Variants in DAB2 observed in about 807,000 individuals in gnomAD.
The protein encoded by DAB2 is DAB adaptor protein 2.
DAB2 carries 28 observed loss-of-function variants against 71.6 expected under a neutral mutation model. That is an observed-to-expected ratio of 0.39 (90% CI 0.29 to 0.54). The LOEUF is 0.54. DAB2 is among the 20% of genes least tolerant of loss of function. The probability of loss-of-function intolerance (pLI) is 0.68; values close to 1 mark genes in which losing one functional copy is unlikely to be tolerated. For missense variants in DAB2, 867 were observed against 928.8 expected (o/e 0.93, Z 0.86); for synonymous variants, 345 against 339.7 (o/e 1.02, Z -0.17).
chr5:39,400,343 C>T (rs1755470054), intron 1 of DAB2, among the ~76,000 whole-genome samples: 1 of 152,020 alleles, frequency 6.6e-6, no homozygotes, highest in Non-Finnish European at 1.5e-5. Context: ...AGCCATTCTC[C>T]TTCCTCAGCC....
chr5:39,404,229 C>T (rs1755560380), intron 1 of DAB2, among the ~76,000 whole-genome samples: 1 of 121,364 alleles, frequency 8.2e-6, no homozygotes, highest in Non-Finnish European at 1.6e-5. Context: ...GAACATCACA[C>T]ACCAGGGTCT....
chr5:39,404,685 T>C, intron 1 of DAB2, among the ~76,000 whole-genome samples: 1 of 152,046 alleles, frequency 6.6e-6, no homozygotes, highest in East Asian at 1.9e-4. Context: ...TTCAAGCGAT[T>C]CCCCTGCCTC....
intron 11 of DAB2, among the ~76,000 whole-genome samples, chr5:39,381,063 G>A (rs1754969604): frequency 1.3e-5 from 2 of 152,144 alleles, no homozygotes; most frequent in Non-Finnish European, 2.9e-5. Flanking sequence ...AAGGACATAG[G>A]CCTTCGATCT....
At chr5:39,374,705 G>GA in intron 14 of DAB2, 1 of 272,122 alleles carries the variant, frequency 3.7e-6, no homozygotes, top group East Asian at 1.1e-4. Flanking sequence ...AAAAAGGTTA[G>GA]AAACCTGTGA....
chr5:39,420,862 G>A lies in DAB2; in HGVS notation c.-102+3942C>T, dbSNP rs139048274. ...GCTTCCTTCCAGGGTAGAAGGATGC[G>A]GGAAGGGGAGTAACCATGGCAACCT... On this transcript the variant is annotated intron_variant, in intron 1 of 14. Coordinates refer to ENST00000320816, the MANE Select transcript of DAB2 (RefSeq NM_001343.4). 7.0e-3 allele frequency among the ~76,000 whole-genome samples: 1,067 copies of A among 152,238 alleles called. 2 individuals are homozygous for A. Among genetic ancestry groups the A allele is most frequent in the Non-Finnish European group, 0.01 (701 of 68,008 alleles).
At position 39,382,491 on chromosome 5, in the gene DAB2, T is replaced by A. The variant is rs1256734620; in HGVS notation, c.1341+127A>T. The A allele has an allele frequency of 7.6e-6, 8 of 1,059,070 alleles. No individual in the cohort carries two copies. In the East Asian group the frequency reaches 1.9e-4, roughly 25 times the overall value. 65.6% of individuals were successfully genotyped at this position (1,059,070 alleles called of 1,614,324 possible). A position where few individuals can be genotyped will look rare whatever the true frequency, so the allele number is the denominator to read the frequency against. On this transcript the variant is annotated intron_variant, in intron 10 of 14. Transcript: ENST00000320816. ...GTACTCCTGGAGAACCAAAGTGCCT[T>A]ATCCCACCTTCTATTTCACAGCAAC...
At chr5:39,407,785 G>A (rs1259674238) in intron 1 of DAB2, among the ~76,000 whole-genome samples, 3 of 152,128 alleles carry the variant, frequency 2.0e-5, no homozygotes, top group South Asian at 2.1e-4. Flanking sequence ...AACTCTATGC[G>A]GATGTTAGAA....
At chr5:39,389,410 G>A (rs1755172152) in intron 6 of DAB2, among the ~76,000 whole-genome samples, 1 of 152,180 alleles carries the variant, frequency 6.6e-6, no homozygotes, top group African/African-American at 2.4e-5. Flanking sequence ...CCATAAAAAT[G>A]TATCCATTGC....
intron 1 of DAB2, among the ~76,000 whole-genome samples, chr5:39,396,953 G>A (rs1408354598): frequency 6.6e-6 from 1 of 152,216 alleles, no homozygotes; most frequent in Non-Finnish European, 1.5e-5. Context: ...TCTCCGGTTA[G>A]TGAAGCCAGA....
At chr5:39,392,090 T>C (rs1427669105) in intron 4 of DAB2, 1 of 150,786 alleles carries the variant, frequency 6.6e-6, no homozygotes, top group Non-Finnish European at 1.5e-5. Flanking sequence ...CAAAAATATA[T>C]ATATTTATAT....
chr5:39,418,331 T>C (rs978642203), intron 1 of DAB2: 13 of 152,192 alleles, frequency 8.5e-5, no homozygotes, highest in African/African-American at 3.1e-4. Flanking sequence ...ACACATTTGG[T>C]TTATTTCTGT....
chr5:39,376,796 G>A lies in DAB2; in HGVS notation c.1991C>T (p.Pro664Leu), dbSNP rs759268238. Reference protein sequence around the residue: ...MFKDFQLRQPPAVPARKGEQT... With the variant: ...MFKDFQLRQPLAVPARKGEQT... The stretch of plus-strand genomic sequence containing the variant: ...CTCTCCCTTCCGCGCGGGCACAGCA[G>A]GTGGCTGCCGCAGTTGGAAATCCTT... The change falls in exon 12 of 15, where the codon CCT becomes CTT. Residue 664 changes from proline to leucine, a missense_variant. Pro to Leu is a moderately conservative substitution (Grantham distance 98). Around this residue, in one of 2 missense-constraint regions of DAB2, gnomAD observed 740 missense variants for 734.3 expected, o/e 1.01. Coordinates refer to ENST00000320816, the MANE Select transcript of DAB2 (RefSeq NM_001343.4). The A allele has an allele frequency of 6.2e-7, 1 of 1,614,162 alleles. No individual in the cohort carries two copies. Among genetic ancestry groups the A allele is most frequent in the Admixed American group, 1.7e-5 (1 of 60,018 alleles).
intron 1 of DAB2, among the ~76,000 whole-genome samples, chr5:39,401,911 C>T (rs1216109001): frequency 6.6e-6 from 1 of 151,880 alleles, no homozygotes; most frequent in Non-Finnish European, 1.5e-5. Flanking sequence ...TGCCATCATG[C>T]CTGGCTAATT....
chr5:39,389,784 T>G, intron 6 of DAB2, 68 bp downstream of exon 6: 1 of 880,846 alleles, frequency 1.1e-6, no homozygotes, highest in Non-Finnish European at 1.8e-6. Context: ...AGTGCTGGGA[T>G]TATAGGTGTG....
At chr5:39,387,720 A>T (rs1561369529) in intron 9 of DAB2, 1 of 146,206 alleles carries the variant, frequency 6.8e-6, no homozygotes, top group Non-Finnish European at 1.5e-5. Flanking sequence ...CTGAACCACC[A>T]TTTTTTTTTA....
intron 1 of DAB2, among the ~76,000 whole-genome samples, chr5:39,421,245 T>C (rs1755978580): frequency 6.6e-6 from 1 of 152,214 alleles, no homozygotes; most frequent in Admixed American, 6.5e-5. Context: ...GGTATTCAAT[T>C]TTCATGAAGA....
At chr5:39,388,176 G>T in intron 9 of DAB2, 129 bp downstream of exon 9, 2 of 687,460 alleles carry the variant, frequency 2.9e-6, no homozygotes, top group South Asian at 3.5e-5. Flanking sequence ...AAAAACCATT[G>T]ACACTTCATT....
intron 12 of DAB2, 147 bp downstream of exon 12, chr5:39,376,503 A>T (rs1579897588): frequency 2.2e-6 from 2 of 910,598 alleles, no homozygotes; most frequent in East Asian, 2.4e-5. Flanking sequence ...GTAAATGGTT[A>T]AGTTGTCTCC....
intron 1 of DAB2, among the ~76,000 whole-genome samples, chr5:39,400,151 T>G (rs1437365812): frequency 6.6e-6 from 1 of 152,056 alleles, no homozygotes; most frequent in Admixed American, 6.6e-5. Flanking sequence ...TTTTTAACAT[T>G]AAGGGGAATG....
Sources: gnomAD v4.1 joint callset for allele counts (sites outside exome capture counted in the v4.1 genomes callset) on GRCh38, gnomAD v4.1.1 for gene constraint, gnomAD v4.1.1 regional missense constraint, MANE v1.5 for transcripts, NCBI Gene and HGNC (gene_info 2026-07-23, HGNC 2026-07-21) for gene names.